Variants in ATP6V1H observed in about 807,000 individuals in gnomAD.
The protein encoded by ATP6V1H is ATPase H+ transporting V1 subunit H, also known as V-type proton ATPase subunit H.
A neutral mutation model predicts 71.7 loss-of-function variants in ATP6V1H; 39 were observed. That is an observed-to-expected ratio of 0.54 (90% confidence interval 0.42 to 0.71). ATP6V1H has a LOEUF of 0.71. ATP6V1H is among the 30% of genes least tolerant of loss of function. ATP6V1H has a pLI of 0.00. For missense variants in ATP6V1H, 509 were observed against 594.9 expected, an observed-to-expected ratio of 0.86 and a Z score of 1.50; for synonymous variants, 192 against 199.3, an observed-to-expected ratio of 0.96 and a Z score of 0.31.
intron 8 of ATP6V1H, among the ~76,000 whole-genome samples, chr8:53,800,403 GA>G (rs932302149): frequency 6.6e-6 from 1 of 152,210 alleles, no homozygotes; most frequent in African/African-American, 2.4e-5. Context: ...ACCAACAGAG[GA>G]AAGTGTTTCA....
intron 7 of ATP6V1H, among the ~76,000 whole-genome samples, chr8:53,808,287 A>G (rs1056917757): frequency 6.6e-6 from 1 of 152,246 alleles, no homozygotes; most frequent in Non-Finnish European, 1.5e-5. Flanking sequence ...TCAGGGCATC[A>G]GCACAGCAAT....
rs73680320 is a variant in ATP6V1H at position 53,824,599 on chromosome 8, T to C, written c.306+4845A>G. Among the ~76,000 whole-genome samples, 1,457 of 152,146 alleles carry C rather than the reference T, an allele frequency of 9.6e-3. 16 individuals are homozygous for C. Among genetic ancestry groups the C allele is most frequent in the African/African-American group, 0.033 (1,390 of 41,522 alleles). On this transcript the variant is annotated intron_variant, in intron 4 of 13. Transcript: ENST00000359530. Reference sequence around the variant, plus strand: ...CCATTACTATAATTCACTATATTGATATATCTAAGGAGAGGGGAAAAAAAG... The same window carrying C: ...CCATTACTATAATTCACTATATTGACATATCTAAGGAGAGGGGAAAAAAAG...
intron 13 of ATP6V1H, among the ~76,000 whole-genome samples, chr8:53,736,254 A>C (rs1807199780): frequency 6.6e-6 from 1 of 152,122 alleles, no homozygotes; most frequent in South Asian, 2.1e-4. Context: ...AGCATTTCCA[A>C]GTCTTTAAAT....
At chr8:53,761,784 T>G (rs1808281362) in intron 11 of ATP6V1H, among the ~76,000 whole-genome samples, 2 of 152,356 alleles carry the variant, frequency 1.3e-5, no homozygotes, top group South Asian at 4.1e-4. Context: ...ACAACAGAGA[T>G]AGGTGGGCCT....
chr8:53,808,605 C>T (rs1234909905), intron 7 of ATP6V1H, among the ~76,000 whole-genome samples: 1 of 151,876 alleles, frequency 6.6e-6, no homozygotes, highest in Non-Finnish European at 1.5e-5. Context: ...TTGTCTCCAC[C>T]AAAATACAAA....
rs183794554 is a variant in ATP6V1H at position 53,783,505 on chromosome 8, T to C, written c.871-11338A>G. Among the ~76,000 whole-genome samples the C allele has an allele frequency of 6.5e-3, 988 of 152,302 alleles. 41 individuals carry two copies. Among genetic ancestry groups the C allele is most frequent in the Admixed American group, 0.054 (826 of 15,282 alleles). On this transcript the variant is annotated intron_variant, in intron 9 of 13. Coordinates refer to ENST00000359530, the MANE Select transcript of ATP6V1H (RefSeq NM_015941.4). Reference sequence around the variant, plus strand: ...TTCAAAAAGCCAGCTCCTGGATTCATTGATTTTTTGAAGGGCTTTTTGTGT... The same window carrying C: ...TTCAAAAAGCCAGCTCCTGGATTCACTGATTTTTTGAAGGGCTTTTTGTGT...
intron 12 of ATP6V1H, among the ~76,000 whole-genome samples, chr8:53,755,687 TATATATA>T (rs1807991754): frequency 0.013 from 39 of 3,018 alleles, 4 homozygotes; most frequent in South Asian, 0.028. Context: ...CCAGCGTACA[TATATATA>T]TATATATATA....
chr8:53,757,387 G>A (rs1000812058), intron 11 of ATP6V1H, among the ~76,000 whole-genome samples: 5 of 152,196 alleles, frequency 3.3e-5, no homozygotes, highest in Admixed American at 6.5e-5. Flanking sequence ...AGTGAAAGGG[G>A]AGGGAGATGG....
At chr8:53,806,424 T>C (rs1267116939) in intron 7 of ATP6V1H, among the ~76,000 whole-genome samples, 1 of 152,074 alleles carries the variant, frequency 6.6e-6, no homozygotes, top group Non-Finnish European at 1.5e-5. Flanking sequence ...TCATAAAATA[T>C]CTAAATGAAG....
rs187464228 is a variant in ATP6V1H at position 53,840,143 on chromosome 8, T to C, written c.113+1435A>G. ...CAGGAAAATTTCCAAGGGGTAGAATTACTTGTCTTTTTTATGTGCACCTGC... is the reference window on the plus strand; with the variant it reads ...CAGGAAAATTTCCAAGGGGTAGAATCACTTGTCTTTTTTATGTGCACCTGC... On this transcript the variant is annotated intron_variant, in intron 2 of 13. Coordinates refer to ENST00000359530, the MANE Select transcript of ATP6V1H (RefSeq NM_015941.4). Among the ~76,000 whole-genome samples the C allele has an allele frequency of 2.2e-3, 335 of 152,284 alleles. 2 individuals carry two copies. Among genetic ancestry groups the C allele is most frequent in the African/African-American group, 7.7e-3 (319 of 41,540 alleles).
chr8:53,777,687 C>T (rs1004803581), intron 9 of ATP6V1H, among the ~76,000 whole-genome samples: 22 of 152,150 alleles, frequency 1.4e-4, no homozygotes, highest in African/African-American at 5.3e-4. Context: ...CACAACTGCA[C>T]AATTCTACTA....
chr8:53,826,611 T>C (rs1810828679), intron 4 of ATP6V1H, among the ~76,000 whole-genome samples: 1 of 151,230 alleles, frequency 6.6e-6, no homozygotes, highest in South Asian at 2.1e-4. Context: ...AAAATATACA[T>C]GTGTCTGCCT....
At chr8:53,749,764 A>G (rs1276294857) in intron 12 of ATP6V1H, among the ~76,000 whole-genome samples, 3 of 151,570 alleles carry the variant, frequency 2.0e-5, no homozygotes, top group Admixed American at 6.6e-5. Flanking sequence ...AAAAAAGTGT[A>G]GCTGTACAAG....
At chr8:53,773,902 A>T (rs1468693580) in intron 9 of ATP6V1H, among the ~76,000 whole-genome samples, 2 of 152,206 alleles carry the variant, frequency 1.3e-5, no homozygotes. Context: ...TGATGGACTT[A>T]AGAACCAAGT....
At chr8:53,720,251 G>A (rs186741260) in intron 13 of ATP6V1H, among the ~76,000 whole-genome samples, 73 of 152,112 alleles carry the variant, frequency 4.8e-4, no homozygotes, top group Non-Finnish European at 4.6e-4. Context: ...AAATCTCCTG[G>A]GATCTCAACA....
rs774802183 is a variant in ATP6V1H at position 53,817,549 on chromosome 8, G to T, written c.307-19C>A. On this transcript the variant is annotated intron_variant, in intron 4 of 13. Coordinates refer to ENST00000359530, the MANE Select transcript of ATP6V1H (RefSeq NM_015941.4). ...GATTTTCCTAAAAAAGAAAAGAAAT[G>T]ATATCACCAGTCAGAACACATTTTG... 2.0e-6 allele frequency: 3 copies of T among 1,488,552 alleles called. No homozygotes were observed. The highest frequency in any genetic ancestry group is 1.4e-5 in the African/African-American group (1 of 71,962). The allele number at this position is 1,488,552 out of a possible 1,614,324, so 92.2% of individuals were successfully genotyped here.
At chr8:53,761,463 T>C (rs1808272463) in intron 11 of ATP6V1H, among the ~76,000 whole-genome samples, 2 of 151,488 alleles carry the variant, frequency 1.3e-5, no homozygotes, top group African/African-American at 4.9e-5. Context: ...CACCAGAAAA[T>C]AGAAAGTACC....
intron 12 of ATP6V1H, among the ~76,000 whole-genome samples, chr8:53,744,392 T>G (rs16919537): frequency 0.15 from 22,144 of 152,142 alleles, 2,588 homozygotes; most frequent in East Asian, 0.37. Flanking sequence ...TATTTCTTCA[T>G]GCATAGAAAT....
chr8:53,817,636 A>AGT (rs1258036324), intron 4 of ATP6V1H, 106 bp from the exon 5 acceptor site: 15 of 686,834 alleles, frequency 2.2e-5, no homozygotes, highest in Non-Finnish European at 3.5e-5. Context: ...TTCTTTTTTC[A>AGT]GTGTGTGTGT....
Sources: gnomAD v4.1 joint callset for allele counts (sites outside exome capture counted in the v4.1 genomes callset) on GRCh38, gnomAD v4.1.1 for gene constraint, MANE v1.5 for transcripts, NCBI Gene and HGNC (gene_info 2026-07-23, HGNC 2026-07-21) for gene names.